Variants in MED15 observed in about 807,000 individuals in gnomAD.
MED15 encodes the protein mediator complex subunit 15.
Under a neutral mutation model 118.7 loss-of-function variants are expected in MED15, and 41 were observed. That is an observed-to-expected ratio of 0.35 (90% confidence interval 0.27 to 0.45). The LOEUF (loss-of-function observed/expected upper bound fraction) is 0.45. MED15 is among the 20% of genes least tolerant of loss of function. The probability of loss-of-function intolerance (pLI) is 1.00; values close to 1 mark genes in which losing one functional copy is unlikely to be tolerated. For synonymous variants in MED15, 436 were observed against 413.9 expected (o/e 1.05, Z -0.65); for missense variants, 740 against 1,025.5 (o/e 0.72, Z 3.80).
chr22:20,551,534 G>A (rs1208890987), intron 3 of MED15, 47 bp downstream of exon 3: 1 of 1,570,490 alleles, frequency 6.4e-7, no homozygotes, highest in African/African-American at 1.4e-5. Flanking sequence ...TCTGTGAGAG[G>A]CCAGCCCTGA....
In MED15 at chr22:20,584,351, C is replaced by G; in HGVS notation, c.1737-8C>G. The G allele has an allele frequency of 6.2e-7, 1 of 1,613,520 alleles. No individual in the cohort carries two copies. Among genetic ancestry groups the G allele is most frequent in the African/African-American group, 1.3e-5 (1 of 75,044 alleles). On this transcript the variant is annotated splice_region_variant and splice_polypyrimidine_tract_variant and intron_variant, in intron 13 of 17. Coordinates refer to ENST00000263205, the MANE Select transcript of MED15 (RefSeq NM_001003891.3). ...CACTCTTTCAGCCCAAGTCCTCTCT[C>G]TCTGCAGGTGTCCCCTGAAGACCTT... is the stretch of plus-strand genomic sequence containing the variant.
chr22:20,558,005 C>T (rs1371208924), intron 5 of MED15, among the ~76,000 whole-genome samples: 5 of 152,186 alleles, frequency 3.3e-5, no homozygotes, highest in African/African-American at 1.2e-4. Flanking sequence ...ACTCGGGAGA[C>T]TAAGGCAGGA....
At chr22:20,548,078 A>G (rs2055622785) in intron 2 of MED15, among the ~76,000 whole-genome samples, 2 of 152,102 alleles carry the variant, frequency 1.3e-5, no homozygotes, top group African/African-American at 4.8e-5. Flanking sequence ...CCTGGGTGTA[A>G]GCAATACTCC....
intron 4 of MED15, 87 bp from the exon 5 acceptor site, chr22:20,554,849 T>G: frequency 7.6e-7 from 1 of 1,319,722 alleles, no homozygotes; most frequent in Non-Finnish European, 1.0e-6. Context: ...GTAGGCGAGA[T>G]CTGTGCTCTG....
intron 9 of MED15, among the ~76,000 whole-genome samples, chr22:20,579,196 T>G (rs578149981): frequency 6.6e-6 from 1 of 152,296 alleles, no homozygotes; most frequent in Non-Finnish European, 1.5e-5. Context: ...CTGGGAGGTT[T>G]CTTTCTCGCC....
chr22:20,580,240 G>A (rs1348792415), intron 9 of MED15, among the ~76,000 whole-genome samples: 1 of 152,188 alleles, frequency 6.6e-6, no homozygotes, highest in Admixed American at 6.5e-5. Context: ...TGGCTGGTGA[G>A]ATTGCCGCTT....
chr22:20,512,644 T>A, intron 1 of MED15, among the ~76,000 whole-genome samples: 1 of 140,524 alleles, frequency 7.1e-6, no homozygotes. Context: ...CAGGCTGGAG[T>A]GCAGTGTCAC....
rs1008780706 is a variant in MED15 at position 20,571,752 on chromosome 22, T to G, written c.1152+3121T>G. Among the ~76,000 whole-genome samples the G allele has an allele frequency of 5.9e-4, 90 of 152,234 alleles. 1 individual carries two copies. Among genetic ancestry groups the G allele is most frequent in the Non-Finnish European group, 1.3e-4 (9 of 68,038 alleles). Reference sequence around the variant, plus strand: ...TGGATTCATGATCTTCTTTTGAAACTTGAATTGGCACAGTGACCAGCTGAG... The same window carrying G: ...TGGATTCATGATCTTCTTTTGAAACGTGAATTGGCACAGTGACCAGCTGAG... On this transcript the variant is annotated intron_variant, in intron 8 of 17. Coordinates refer to ENST00000263205, the MANE Select transcript of MED15 (RefSeq NM_001003891.3).
At chr22:20,514,972 G>A (rs924693572) in intron 1 of MED15, among the ~76,000 whole-genome samples, 1 of 152,234 alleles carries the variant, frequency 6.6e-6, no homozygotes, top group African/African-American at 2.4e-5. Flanking sequence ...ACAGGTGTCT[G>A]TGTATAACCT....
chr22:20,507,688 T>G lies in MED15; in HGVS notation c.10T>G (p.Ser4Ala). Residue 4 changes from serine to alanine, a missense_variant, in exon 1 of 18, where the codon TCC (serine) becomes GCC (alanine). By Grantham distance (99) the Ser-to-Ala change is moderately conservative (BLOSUM62 1). Coordinates refer to ENST00000263205, the MANE Select transcript of MED15 (RefSeq NM_001003891.3). ...GAGCTGGGGAACAGGCATGGACGTT[T>G]CCGGGCAAGAGACCGACTGGCGGAG... Reference protein sequence around the residue: MDVSGQETDWRSTA... With the variant: MDVAGQETDWRSTA... The G allele has an allele frequency of 6.2e-7, 1 of 1,614,026 alleles. No individual in the cohort carries two copies. Among genetic ancestry groups the G allele is most frequent in the Non-Finnish European group, 8.5e-7 (1 of 1,179,926 alleles).
chr22:20,585,843 G>C lies in MED15; in HGVS notation c.2230+17G>C. The C allele has an allele frequency of 6.2e-7, 1 of 1,610,124 alleles. No homozygotes were observed. On this transcript the variant is annotated intron_variant, in intron 17 of 17. Coordinates refer to ENST00000263205, the MANE Select transcript of MED15 (RefSeq NM_001003891.3). ...GGCAGTACGGTAGGTAGACCCAGAG[G>C]AGCTGTCTGGGGACCCAGGGCAAGC...
At chr22:20,554,842 G>A in intron 4 of MED15, 94 bp from the exon 5 acceptor site, 2 of 1,249,762 alleles carry the variant, frequency 1.6e-6, no homozygotes, top group Admixed American at 2.2e-5. Flanking sequence ...CCTGTAGGTA[G>A]GCGAGATCTG....
chr22:20,577,821 C>G (rs1253052294), intron 9 of MED15, among the ~76,000 whole-genome samples: 2 of 152,038 alleles, frequency 1.3e-5, no homozygotes, highest in Non-Finnish European at 2.9e-5. Context: ...ATTCCTCGTC[C>G]CGGCAGTAGA....
At chr22:20,561,498 G>A (rs1210130347) in intron 5 of MED15, among the ~76,000 whole-genome samples, 2 of 151,028 alleles carry the variant, frequency 1.3e-5, no homozygotes, top group Non-Finnish European at 2.9e-5. Flanking sequence ...CCAGTCTGGC[G>A]ACAGAGTGAG....
chr22:20,517,410 T>A (rs1458872794), intron 1 of MED15, among the ~76,000 whole-genome samples: 1 of 152,222 alleles, frequency 6.6e-6, no homozygotes, highest in Non-Finnish European at 1.5e-5. Flanking sequence ...TCTTACTCCC[T>A]GCTCTGTGTC....
chr22:20,567,783 C>T lies in MED15; in HGVS notation c.1042-738C>T, dbSNP rs773423509. Among the ~76,000 whole-genome samples the T allele has an allele frequency of 5.3e-4, 81 of 152,172 alleles. 1 individual carries two copies. Among genetic ancestry groups the T allele is most frequent in the Non-Finnish European group, 9.7e-4 (66 of 68,036 alleles). On this transcript the variant is annotated intron_variant, in intron 7 of 17. Coordinates refer to ENST00000263205, the MANE Select transcript of MED15 (RefSeq NM_001003891.3). ...AGGAAGAGCCCCCTGCATGGTGGCG[C>T]GGGCCTGTCTCGTCCTTCTGGAGGC...
chr22:20,512,894 A>G (rs1041345335), intron 1 of MED15, among the ~76,000 whole-genome samples: 16 of 151,568 alleles, frequency 1.1e-4, no homozygotes, highest in African/African-American at 3.2e-4. Context: ...GGCATGCGCC[A>G]CCAGGCCCAG....
chr22:20,567,145 A>G (rs2056474234), intron 7 of MED15, among the ~76,000 whole-genome samples: 1 of 152,214 alleles, frequency 6.6e-6, no homozygotes, highest in Admixed American at 6.5e-5. Context: ...GATGAGCACC[A>G]CATGAAAGGA....
chr22:20,562,752 A>G (rs1049776437), intron 5 of MED15, among the ~76,000 whole-genome samples: 1 of 152,092 alleles, frequency 6.6e-6, no homozygotes, highest in African/African-American at 2.4e-5. Flanking sequence ...AATTTTTTAC[A>G]CTTGGCCAGG....
Sources: gnomAD v4.1 joint callset for allele counts (sites outside exome capture counted in the v4.1 genomes callset) on GRCh38, gnomAD v4.1.1 for gene constraint, MANE v1.5 for transcripts, NCBI Gene and HGNC (gene_info 2026-07-23, HGNC 2026-07-21) for gene names.